The following XKR9 variants were observed in gnomAD, a reference collection of about 807,000 sequenced individuals.
The protein encoded by XKR9 is XK related 9.
In XKR9, 32 loss-of-function variants were observed where a neutral mutation model predicts 32.0. The ratio of observed to expected loss-of-function variants is 1.00; its 90% CI spans 0.76 to 1.34. XKR9 has a LOEUF of 1.34. XKR9 is among the 40% of genes most tolerant of loss of function. XKR9 has a pLI of 0.00. For missense variants in XKR9, 546 were observed against 429.7 expected (o/e 1.27, Z -2.39); for synonymous variants, 168 against 143.4 (o/e 1.17, Z -1.22).
chr8:71,063,945 GA>G, the XKR9 span, among the ~76,000 whole-genome samples: 7 of 152,120 alleles, frequency 4.6e-5, no homozygotes. Context: ...TCTCTAAACA[GA>G]TATATGTGTA....
At chr8:70,712,984 G>T (rs1244105657) in intron 4 of XKR9, among the ~76,000 whole-genome samples, 1 of 152,046 alleles carries the variant, frequency 6.6e-6, no homozygotes, top group African/African-American at 2.4e-5. Context: ...AAATCAGTGA[G>T]ACTTGAACTT....
chr8:70,690,077 TTACTC>T (rs1272783844), intron 3 of XKR9, among the ~76,000 whole-genome samples: 1 of 152,182 alleles, frequency 6.6e-6, no homozygotes. Context: ...AACAAACACT[TTACTC>T]TTTTTTTGTT....
chr8:70,754,297 T>C (rs13262858), intron 2 of XKR9, among the ~76,000 whole-genome samples: 62,099 of 144,350 alleles, frequency 0.43, 16,803 homozygotes, highest in Non-Finnish European at 0.55. Context: ...ATTCCATGCT[T>C]ATGGATAGGA....
At chr8:70,778,282 C>G (rs547466993) in intron 2 of XKR9, among the ~76,000 whole-genome samples, 6 of 152,168 alleles carry the variant, frequency 3.9e-5, no homozygotes, top group African/African-American at 1.4e-4. Context: ...TTTCTGAGGC[C>G]TCTGTTCTGT....
the XKR9 span, among the ~76,000 whole-genome samples, chr8:70,941,108 A>T: frequency 6.6e-6 from 1 of 151,894 alleles, no homozygotes; most frequent in Non-Finnish European, 1.5e-5. Context: ...CCATCAAGCA[A>T]TCACTTCCCT....
chr8:70,685,156 T>C (rs1308590878), intron 3 of XKR9, among the ~76,000 whole-genome samples: 2 of 151,848 alleles, frequency 1.3e-5, no homozygotes, highest in Non-Finnish European at 2.9e-5. Flanking sequence ...CATGGAATAC[T>C]ACGCAGCCAT....
intron 3 of XKR9, among the ~76,000 whole-genome samples, chr8:70,693,285 G>C (rs1396772966): frequency 6.6e-6 from 1 of 152,154 alleles, no homozygotes; most frequent in East Asian, 1.9e-4. Flanking sequence ...CTGACTTCTT[G>C]TCTCTGGTTT....
At chr8:70,823,610 A>T in the XKR9 span, among the ~76,000 whole-genome samples, 1 of 152,222 alleles carries the variant, frequency 6.6e-6, no homozygotes, top group African/African-American at 2.4e-5. Context: ...ATGGTTGCTA[A>T]AAAAGTGTGC....
At chr8:70,838,912 T>A in the XKR9 span, among the ~76,000 whole-genome samples, 2 of 150,160 alleles carry the variant, frequency 1.3e-5, no homozygotes, top group Non-Finnish European at 2.9e-5. Flanking sequence ...CCTTGTATAG[T>A]CCCTGTCTCT....
the XKR9 span, among the ~76,000 whole-genome samples, chr8:70,930,663 A>T: frequency 3.3e-5 from 5 of 152,214 alleles, no homozygotes; most frequent in African/African-American, 7.2e-5. Context: ...CATGTTGAAA[A>T]AGAGACAAAT....
chr8:70,831,466 C>A, the XKR9 span, among the ~76,000 whole-genome samples: 8 of 151,154 alleles, frequency 5.3e-5, no homozygotes, highest in Non-Finnish European at 8.9e-5. Context: ...GCCCTCTAAT[C>A]CTGTTGTACT....
chr8:70,948,289 T>C, the XKR9 span, among the ~76,000 whole-genome samples: 3 of 152,384 alleles, frequency 2.0e-5, no homozygotes, highest in African/African-American at 7.2e-5. Flanking sequence ...CTGGCTATCC[T>C]ACCTGCCTGC....
the XKR9 span, among the ~76,000 whole-genome samples, chr8:70,950,479 G>T: frequency 3.3e-5 from 5 of 152,072 alleles, no homozygotes; most frequent in Non-Finnish European, 7.4e-5. Context: ...GCAGAGCATG[G>T]TGAGTCTGGC....
chr8:70,703,596 A>C (rs897425049), intron 3 of XKR9, among the ~76,000 whole-genome samples: 3 of 152,146 alleles, frequency 2.0e-5, no homozygotes, highest in African/African-American at 7.2e-5. Context: ...ATAGGTTTCA[A>C]CGTATGAATT....
the XKR9 span, among the ~76,000 whole-genome samples, chr8:71,004,860 G>A: frequency 6.6e-6 from 1 of 151,762 alleles, no homozygotes; most frequent in South Asian, 2.1e-4. Context: ...TTTTCTTTTT[G>A]TCACTTTGTG....
chr8:70,883,906 G>A, the XKR9 span, among the ~76,000 whole-genome samples: 10 of 152,134 alleles, frequency 6.6e-5, no homozygotes, highest in Admixed American at 5.9e-4. Context: ...ATATCAAGGA[G>A]TGTGATTGCT....
At chr8:70,876,040 AT>A in the XKR9 span, among the ~76,000 whole-genome samples, 3 of 152,144 alleles carry the variant, frequency 2.0e-5, no homozygotes, top group Non-Finnish European at 4.4e-5. Flanking sequence ...TTTAAACTTT[AT>A]GTTTAAAACA....
At chr8:70,849,954 T>G in the XKR9 span, among the ~76,000 whole-genome samples, 2 of 150,258 alleles carry the variant, frequency 1.3e-5, no homozygotes, top group Non-Finnish European at 3.0e-5. Flanking sequence ...GATAACAAGT[T>G]CTGAAATTGA....
chr8:70,755,110 A>G (rs931123026), intron 2 of XKR9, among the ~76,000 whole-genome samples: 1 of 152,260 alleles, frequency 6.6e-6, no homozygotes, highest in Non-Finnish European at 1.5e-5. Context: ...ATATGAACAG[A>G]CACTTCTCAA....
Sources: gnomAD v4.1 joint callset for allele counts (sites outside exome capture counted in the v4.1 genomes callset) on GRCh38, gnomAD v4.1.1 for gene constraint, MANE v1.5 for transcripts, NCBI Gene and HGNC (gene_info 2026-07-23, HGNC 2026-07-21) for gene names.